ZDHHC11: variants seen among roughly 807,000 people sequenced by gnomAD.
The protein encoded by ZDHHC11 is palmitoyltransferase ZDHHC11.
A neutral mutation model predicts 51.3 loss-of-function variants in ZDHHC11; 44 were observed. The observed-to-expected ratio is 0.86, with a 90% CI of 0.67 to 1.10. The LOEUF is 1.10. ZDHHC11 is among the 50% of genes least tolerant of loss of function. The pLI is 0.00. For missense variants in ZDHHC11, 400 were observed against 537.7 expected (o/e 0.74, Z 2.53); for synonymous variants, 163 against 222.0 (o/e 0.73, Z 2.36).
intron 8 of ZDHHC11, among the ~76,000 whole-genome samples, chr5:824,542 C>A (rs1196418472): frequency 6.6e-6 from 1 of 151,530 alleles, no homozygotes; most frequent in African/African-American, 2.4e-5. Flanking sequence ...CTAAAGCCGG[C>A]AGCCGCGCTG....
chr5:850,974 A>G lies in ZDHHC11; in HGVS notation c.-372T>C. ...CAGCCCCCACACAGCGACAGGTCCC[A>G]CAACCCGTTCACGAATACACAGGCC... On this transcript the variant is annotated 5_prime_UTR_variant, in exon 1 of 13. Coordinates refer to ENST00000283441, the MANE Select transcript of ZDHHC11 (RefSeq NM_024786.3). The G allele has an allele frequency of 3.0e-6, 1 of 329,136 alleles. No homozygotes were observed. Among genetic ancestry groups the G allele is most frequent in the South Asian group, 4.9e-5 (1 of 20,548 alleles). 20.4% of individuals were successfully genotyped at this position (329,136 alleles called of 1,614,324 possible).
chr5:838,624 C>T (rs180734535), intron 5 of ZDHHC11, among the ~76,000 whole-genome samples: 82 of 151,928 alleles, frequency 5.4e-4, no homozygotes, highest in Non-Finnish European at 8.7e-4. Flanking sequence ...CAGGCCTGGG[C>T]GTCCTGCCTC....
chr5:854,205 G>A (rs1407105656), upstream of ZDHHC11, among the ~76,000 whole-genome samples: 1 of 150,014 alleles, frequency 6.7e-6, no homozygotes, highest in Admixed American at 6.6e-5. Flanking sequence ...ACCCCATGGA[G>A]GATAGCAAGC....
Position 840,686 on chromosome 5 carries a change from C to T in ZDHHC11, c.629-36G>A, listed in dbSNP as rs532110576. 36 of 1,611,796 alleles carry T rather than the reference C, an allele frequency of 2.2e-5. No homozygotes were observed. The East Asian group carries it at 7.4e-4, about 33-fold the overall frequency. ...AAGGGAGAGCCACTGTGTCCAGCAC[C>T]TGCTGACGGGTGCCACATCAGGTGG... On this transcript the variant is annotated intron_variant, in intron 4 of 12. Transcript: ENST00000283441.
chr5:846,555 A>C (rs2150440738), intron 3 of ZDHHC11, among the ~76,000 whole-genome samples: 2 of 144,818 alleles, frequency 1.4e-5, no homozygotes, highest in African/African-American at 5.4e-5. Flanking sequence ...CTCATCTGTG[A>C]GTCTCCACCG....
At chr5:833,458 T>G (rs577701201) in intron 7 of ZDHHC11, among the ~76,000 whole-genome samples, 3 of 151,948 alleles carry the variant, frequency 2.0e-5, no homozygotes, top group Admixed American at 1.3e-4. Flanking sequence ...ACATTCAGAC[T>G]CACAACTACC....
intron 11 of ZDHHC11, among the ~76,000 whole-genome samples, chr5:811,620 A>T (rs200546883): frequency 5.2e-5 from 7 of 135,530 alleles, no homozygotes; most frequent in Non-Finnish European, 9.3e-5. Context: ...CCACCTGGGG[A>T]AGACTGACTT....
At position 802,872 on chromosome 5, in the gene ZDHHC11, A is replaced by C. The variant is rs867745668; in HGVS notation, c.1182-1708T>G. On this transcript the variant is annotated intron_variant, in intron 11 of 12. Coordinates refer to ENST00000283441, the MANE Select transcript of ZDHHC11 (RefSeq NM_024786.3). ...AAAAAAAAAAAAAAAAAAAAAAAAA[A>C]AAGCTAAATGTGGTGGTTAGTGCCT... Among the ~76,000 whole-genome samples, 128 of 110,532 alleles carry C rather than the reference A, an allele frequency of 1.2e-3. 1 individual carries two copies. The highest frequency in any genetic ancestry group is 4.3e-3 in the African/African-American group (123 of 28,766). The allele number at this position is 110,532 out of a possible 152,430, so 72.5% of individuals were successfully genotyped here.
rs1054195053 is a variant in ZDHHC11, at chr5:816,290, T to C, written c.1147-1495A>G. The C allele has an allele frequency of 3.8e-5, 11 of 286,516 alleles. 1 individual carries two copies. The highest frequency in any genetic ancestry group is 6.6e-5 in the African/African-American group (3 of 45,442). The allele number at this position is 286,516 out of a possible 1,614,324, so 17.7% of individuals were successfully genotyped here. On this transcript the variant is annotated intron_variant, in intron 10 of 12. Transcript: ENST00000283441. The stretch of plus-strand genomic sequence containing the variant: ...TTTTTGGGATCTATCAAAGAAGACA[T>C]TGCTTAACAGAAGATCACAAAGATA...
At chr5:822,035 G>C in intron 8 of ZDHHC11, 140 bp from the exon 9 acceptor site, 1 of 691,500 alleles carries the variant, frequency 1.4e-6, no homozygotes, top group Non-Finnish European at 2.4e-6. Context: ...CATGGAATAG[G>C]ATCTCAGTGG....
intron 8 of ZDHHC11, chr5:823,819 A>G (rs1475741105): frequency 8.8e-6 from 3 of 339,814 alleles, no homozygotes; most frequent in Non-Finnish European, 1.8e-5. Flanking sequence ...CCTGTGCAGA[A>G]GGTGTCAACG....
chr5:853,264 A>G (rs1238960781), upstream of ZDHHC11, among the ~76,000 whole-genome samples: 2 of 148,360 alleles, frequency 1.3e-5, no homozygotes, highest in Non-Finnish European at 3.0e-5. Context: ...CAGCGGGCAC[A>G]GACCCCACAG....
At chr5:856,256 ACACAC>A (rs779072627) in intron 1 of ZDHHC11, among the ~76,000 whole-genome samples, 1 of 151,172 alleles carries the variant, frequency 6.6e-6, no homozygotes, top group African/African-American at 2.4e-5. Context: ...AACACACAAC[ACACAC>A]CAAACAGAAA....
intron 8 of ZDHHC11, among the ~76,000 whole-genome samples, chr5:824,618 C>T (rs572102714): frequency 1.3e-5 from 2 of 151,596 alleles, no homozygotes; most frequent in Non-Finnish European, 1.5e-5. Flanking sequence ...CACACATATA[C>T]ACGTGACCAC....
At chr5:814,562 G>T (rs1238723781) in intron 11 of ZDHHC11, among the ~76,000 whole-genome samples, 199 bp downstream of exon 11, 1 of 151,510 alleles carries the variant, frequency 6.6e-6, no homozygotes, top group African/African-American at 2.4e-5. Context: ...TAGTTATAAA[G>T]AATTCTATAA....
chr5:805,085 C>A (rs1291352130), intron 11 of ZDHHC11, among the ~76,000 whole-genome samples: 3 of 151,248 alleles, frequency 2.0e-5, no homozygotes, highest in Non-Finnish European at 1.5e-5. Context: ...TAATCAATGA[C>A]AACAGCAATA....
rs1174958123 is a variant in ZDHHC11, at chr5:821,901, G to C, written c.1024-6C>G. 1.9e-6 allele frequency: 3 copies of C among 1,602,628 alleles called. No individual in the cohort carries two copies. The highest frequency in any genetic ancestry group is 2.7e-5 in the African/African-American group (2 of 74,546). On this transcript the variant is annotated splice_region_variant and splice_polypyrimidine_tract_variant and intron_variant, in intron 8 of 12. Transcript: ENST00000283441. The stretch of plus-strand genomic sequence containing the variant: ...CACGGGTCTTCATCCCCTTCCTGTG[G>C]GGAAGTGAAGCAAAATTCATAGAAT...
chr5:824,776 A>C lies in ZDHHC11; in HGVS notation c.1023+388T>G, dbSNP rs1191939136. 2.6e-5 allele frequency among the ~76,000 whole-genome samples: 4 copies of C among 151,246 alleles called. 1 individual carries two copies. Among genetic ancestry groups the C allele is most frequent in the African/African-American group, 4.9e-5 (2 of 41,222 alleles). ...TTTCCTAAGCATTTTATTTAAAAAA[A>C]AAAAAAAAACAGCACATGGCTTCTG... is the stretch of plus-strand genomic sequence containing the variant. On this transcript the variant is annotated intron_variant, in intron 8 of 12. Coordinates refer to ENST00000283441, the MANE Select transcript of ZDHHC11 (RefSeq NM_024786.3).
intron 10 of ZDHHC11, among the ~76,000 whole-genome samples, chr5:817,157 G>C (rs1740916324): frequency 6.6e-6 from 1 of 151,578 alleles, no homozygotes; most frequent in Non-Finnish European, 1.5e-5. Context: ...ACACAGATAT[G>C]AGAAGTTGTA....
Sources: gnomAD v4.1 joint callset for allele counts (sites outside exome capture counted in the v4.1 genomes callset) on GRCh38, gnomAD v4.1.1 for gene constraint, MANE v1.5 for transcripts, NCBI Gene and HGNC (gene_info 2026-07-23, HGNC 2026-07-21) for gene names.